ZNF668: variants seen among roughly 807,000 people sequenced by gnomAD.
ZNF668 encodes the protein zinc finger protein 668.
ZNF668 carries 10 observed loss-of-function variants against 40.3 expected under a neutral mutation model. That is an observed-to-expected ratio of 0.25 (90% CI 0.15 to 0.42). ZNF668 has a LOEUF of 0.42. Among genes scored for constraint, ZNF668 ranks in the 10% least tolerant of loss-of-function variants. The pLI is 1.00. For missense variants in ZNF668, 749 were observed against 904.6 expected (o/e 0.83, Z 2.21); for synonymous variants, 428 against 384.6 (o/e 1.11, Z -1.32).
Position 31,061,924 on chromosome 16 carries a change from G to A in ZNF668, c.1004C>T (p.Pro335Leu), listed in dbSNP as rs534513211. 1.2e-6 allele frequency: 2 copies of A among 1,613,446 alleles called. No homozygotes were observed. Among genetic ancestry groups the A allele is most frequent in the South Asian group, 1.1e-5 (1 of 91,042 alleles). Reference protein sequence around the residue: ...MHRRVHTGDRPFKCLQCDKTF... With the variant: ...MHRRVHTGDRLFKCLQCDKTF... ...CTTGTCACATTGCAGGCACTTGAACGGCCGGTCGCCTGTGTGCACACGCCG... is the reference window on the plus strand; with the variant it reads ...CTTGTCACATTGCAGGCACTTGAACAGCCGGTCGCCTGTGTGCACACGCCG... Residue 335 changes from proline (P) to leucine (L), a missense_variant, in exon 3 of 3, where the codon CCG becomes CTG. Around this residue, in one of 4 missense-constraint regions of ZNF668, gnomAD observed 129 missense variants for 231.2 expected, o/e 0.56. Transcript: ENST00000300849. This position sits in a 1 kb window ranked among gnomAD's most constrained non-coding sequence, Gnocchi z 7.7.
At chr16:31,064,518 C>G (rs771111563) in intron 1 of ZNF668, 37 bp from the exon 2 acceptor site, 4 of 1,599,848 alleles carry the variant, frequency 2.5e-6, no homozygotes, top group Non-Finnish European at 3.4e-6. Flanking sequence ...AGCCACATAC[C>G]TTCGCCACTC....
intron 1 of ZNF668, among the ~76,000 whole-genome samples, chr16:31,070,411 TTGGCCAGGC>T (rs2057008579): frequency 6.6e-6 from 1 of 151,430 alleles, no homozygotes; most frequent in Admixed American, 6.6e-5. Flanking sequence ...TTTCACCATG[TTGGCCAGGC>T]TGGTCTTGAA....
intron 1 of ZNF668, among the ~76,000 whole-genome samples, chr16:31,069,550 C>A (rs1398462168): frequency 6.7e-6 from 1 of 150,292 alleles, no homozygotes; most frequent in Non-Finnish European, 1.5e-5. Flanking sequence ...CTTTTCTTCC[C>A]CCCTTTTAAT....
In ZNF668 at chr16:31,061,536, CG is replaced by C. The variant is rs763095368; in HGVS notation, c.1391del (p.Pro464ArgfsTer6). On this transcript the variant is annotated frameshift_variant, in exon 3 of 3. Coordinates refer to ENST00000300849, the MANE Select transcript of ZNF668 (RefSeq NM_024706.5). LOFTEE classifies it high-confidence loss of function. This position sits in a 1 kb window ranked among gnomAD's most constrained non-coding sequence, Gnocchi z 7.7. ...DPPAGLLGLP[P>X]ESGGVMATQW... is the part of the protein sequence containing the mutation. Reference sequence around the variant, plus strand: ...GTGTGGCCATCACACCACCTGACTCCGGGGGCAGCCCTAGCAGCCCTGCTGG... The same window carrying C: ...GTGTGGCCATCACACCACCTGACTCCGGGGCAGCCCTAGCAGCCCTGCTGG... The C allele has an allele frequency of 1.9e-6, 3 of 1,611,288 alleles. No individual in the cohort carries two copies. The highest frequency in any genetic ancestry group is 2.2e-5 in the East Asian group (1 of 44,858).
rs193003229 is a variant in ZNF668 at position 31,073,995 on chromosome 16, G to A, written c.-359C>T. ...GTCTTCAAGAACCAGAAGGTGGGAG[G>A]ACAAAAAGGCCATGCTCAAGCTCTG... On this transcript the variant is annotated 5_prime_UTR_variant, in exon 1 of 3. Coordinates refer to ENST00000300849, the MANE Select transcript of ZNF668 (RefSeq NM_024706.5). 4 of 152,308 alleles carry A rather than the reference G, an allele frequency of 2.6e-5. No individual in the cohort carries two copies. The East Asian group carries it at 7.7e-4, about 29-fold the overall frequency. The allele number at this position is 152,308 out of a possible 1,614,324, so 9.4% of individuals were successfully genotyped here. A position where few individuals can be genotyped will look rare whatever the true frequency, so the allele number is the denominator to read the frequency against.
At chr16:31,068,242 AT>A (rs1567401580) in intron 1 of ZNF668, among the ~76,000 whole-genome samples, 2,227 of 88,214 alleles carry the variant, frequency 0.025, 146 homozygotes, top group African/African-American at 0.086. Flanking sequence ...AAAAAAAAAT[AT>A]ATATATATAT....
Position 31,060,973 on chromosome 16 carries a change from C to G in ZNF668, c.*95G>C. Reference sequence around the variant, plus strand: ...GAGCTAGTTGCTGAGGGGTAGGGATCTGGAGTCTAAAGAGCAGAGCCAGGC... The same window carrying G: ...GAGCTAGTTGCTGAGGGGTAGGGATGTGGAGTCTAAAGAGCAGAGCCAGGC... On this transcript the variant is annotated 3_prime_UTR_variant, in exon 3 of 3. Coordinates refer to ENST00000300849, the MANE Select transcript of ZNF668 (RefSeq NM_024706.5). 4 of 1,350,566 alleles carry G rather than the reference C, an allele frequency of 3.0e-6. No individual in the cohort carries two copies. In the South Asian group the frequency reaches 6.9e-5, roughly 23 times the overall value. The allele number at this position is 1,350,566 out of a possible 1,614,324, so 83.7% of individuals were successfully genotyped here.
rs759293564 is a variant in ZNF668, at chr16:31,063,965, C to T, written c.495G>A (p.Glu165=). ...LKIHQRGHTG[E]RPYACADCGK... ...CGCAGTCGGCGCAGGCGTAAGGCCG[C>T]TCGCCTGTGTGGCCACGCTGGTGGA... Residue 165 remains glutamate (E), a synonymous_variant, in exon 2 of 3, where the codon GAG becomes GAA. Transcript: ENST00000300849. 1 of 1,609,192 alleles carries T rather than the reference C, an allele frequency of 6.2e-7. No homozygotes were observed. The highest frequency in any genetic ancestry group is 1.7e-5 in the Admixed American group (1 of 59,462).
rs1340331382 is a variant in ZNF668, at chr16:31,064,169, G to C, written c.291C>G (p.Pro97=). The C allele has an allele frequency of 3.1e-6, 5 of 1,610,274 alleles. No homozygotes were observed. Among genetic ancestry groups the C allele is most frequent in the East Asian group, 4.5e-5 (2 of 44,872 alleles). Residue 97 remains proline (P), a synonymous_variant, in exon 2 of 3, where the codon CCC becomes CCG. Coordinates refer to ENST00000300849, the MANE Select transcript of ZNF668 (RefSeq NM_024706.5). ...PLCPKAYKTA[P]ELRSHGRSHT... is the part of the protein sequence containing the mutation. ...GGCTGCGCCCGTGGCTGCGCAGCTCGGGTGCCGTCTTGTAGGCCTTGGGGC... is the reference window on the plus strand; with the variant it reads ...GGCTGCGCCCGTGGCTGCGCAGCTCCGGTGCCGTCTTGTAGGCCTTGGGGC...
intron 1 of ZNF668, chr16:31,066,382 T>TCC (rs2056981952): frequency 1.0e-6 from 1 of 985,190 alleles, no homozygotes; most frequent in Non-Finnish European, 1.2e-6. Flanking sequence ...CTTGGTTATT[T>TCC]CACTTTTCCC....
chr16:31,063,760 G>C, intron 2 of ZNF668, 53 bp downstream of exon 2: 1 of 1,463,646 alleles, frequency 6.8e-7, no homozygotes, highest in Non-Finnish European at 9.0e-7. Flanking sequence ...ATTGGCTGCA[G>C]CAACGCTGTC....
At chr16:31,064,726 C>G in intron 1 of ZNF668, 1 of 1,529,088 alleles carries the variant, frequency 6.5e-7, no homozygotes, top group Non-Finnish European at 8.7e-7. Flanking sequence ...TTCACCTACA[C>G]GTCCCCCCCC....
At chr16:31,072,085 G>A (rs2057019055) in intron 1 of ZNF668, among the ~76,000 whole-genome samples, 1 of 152,168 alleles carries the variant, frequency 6.6e-6, no homozygotes, top group African/African-American at 2.4e-5. Context: ...TACTAGTCAC[G>A]GTCCCAGCCA....
intron 1 of ZNF668, among the ~76,000 whole-genome samples, chr16:31,071,636 A>G (rs1365237515): frequency 6.6e-6 from 1 of 152,150 alleles, no homozygotes; most frequent in Non-Finnish European, 1.5e-5. Context: ...CTTTGTATAT[A>G]GAGATGGAGG....
intron 1 of ZNF668, chr16:31,065,638 G>C (rs1399070952): frequency 6.6e-6 from 1 of 152,290 alleles, no homozygotes; most frequent in African/African-American, 2.4e-5. Context: ...CGGATCACGA[G>C]GTCAGGAGAC....
At position 31,064,222 on chromosome 16, in the gene ZNF668, T is replaced by C. The variant is rs1567399902; in HGVS notation, c.238A>G (p.Lys80Glu). Residue 80 changes from lysine to glutamate, a missense_variant, in exon 2 of 3, where the codon AAG becomes GAG. Coordinates refer to ENST00000300849, the MANE Select transcript of ZNF668 (RefSeq NM_024706.5). ...AGCGGACACGCATAGGGCCTAGGCT[T>C]GGCCGCGGAGCCTGACACCTTCTCC... ...SGEKVSGSAAKPRPYACPLCP... is the reference protein window; with the variant it reads ...SGEKVSGSAAEPRPYACPLCP... 6.2e-7 allele frequency: 1 copy of C among 1,613,268 alleles called. No individual in the cohort carries two copies.
At chr16:31,073,358 G>A (rs898877458) in intron 1 of ZNF668, 1 of 151,076 alleles carries the variant, frequency 6.6e-6, no homozygotes, top group Non-Finnish European at 1.5e-5. Context: ...CACGCGACCG[G>A]GACAAAAACC....
chr16:31,061,566 G>C lies in ZNF668; in HGVS notation c.1362C>G (p.Asp454Glu), dbSNP rs1475821058. The change falls in exon 3 of 3, where the codon GAC becomes GAG. Residue 454 changes from aspartate (D) to glutamate (E), a missense_variant. By Grantham distance (45) the Asp-to-Glu change is conservative (BLOSUM62 2). This residue lies in a region of ZNF668 where 310 missense variants were observed against 355.1 expected (regional missense o/e 0.87). Transcript: ENST00000300849. This position sits in a 1 kb window ranked among gnomAD's most constrained non-coding sequence, Gnocchi z 7.7. ...GCAGCCCTAGCAGCCCTGCTGGAGG[G>C]TCCCCCAGCCCCGCCCCTGCTGCCG... ...AAPAAGAGLG[D>E]PPAGLLGLPP... is the part of the protein sequence containing the mutation. 3 of 1,608,910 alleles carry C rather than the reference G, an allele frequency of 1.9e-6. No homozygotes were observed. Among genetic ancestry groups the C allele is most frequent in the Non-Finnish European group, 2.5e-6 (3 of 1,179,776 alleles).
rs1466498649 is a variant in ZNF668 at position 31,062,142 on chromosome 16, C to T, written c.786G>A (p.Thr262=). 6.2e-7 allele frequency: 1 copy of T among 1,613,782 alleles called. No individual in the cohort carries two copies. The highest frequency in any genetic ancestry group is 1.3e-5 in the African/African-American group (1 of 74,932). The change falls in exon 3 of 3, where the codon ACG becomes ACA. Residue 262 remains threonine (T), a synonymous_variant. Transcript: ENST00000300849. ...YRCPACGKGF[T]QLSSYQSHER... ...CGTGGCTCTGGTAGGAACTGAGCTG[C>T]GTGAAGCCCTTGCCGCAGGCCGGGC...
Sources: gnomAD v4.1 joint callset for allele counts (sites outside exome capture counted in the v4.1 genomes callset) on GRCh38, gnomAD v4.1.1 for gene constraint, gnomAD v4.1.1 regional missense constraint, Gnocchi (gnomAD v3.1) non-coding constraint, MANE v1.5 for transcripts, NCBI Gene and HGNC (gene_info 2026-07-23, HGNC 2026-07-21) for gene names.